PCBP3: variants seen among roughly 807,000 people sequenced by gnomAD.
PCBP3 encodes the protein poly(rC) binding protein 3.
In PCBP3, 25 loss-of-function variants were observed where a neutral mutation model predicts 52.7. The ratio of observed to expected loss-of-function variants is 0.47; its 90% CI spans 0.35 to 0.66. PCBP3 has a LOEUF of 0.66. Among genes scored for constraint, PCBP3 ranks in the 30% least tolerant of loss-of-function variants. The pLI, the probability that PCBP3 is intolerant of heterozygous loss-of-function variation, is 0.01. For synonymous variants in PCBP3, 162 were observed against 183.0 expected, an observed-to-expected ratio of 0.89 and a Z score of 0.93; for missense variants, 391 against 490.3, an observed-to-expected ratio of 0.80 and a Z score of 1.91.
chr21:45,899,084 C>T (rs908797077), intron 6 of PCBP3, among the ~76,000 whole-genome samples: 12 of 152,348 alleles, frequency 7.9e-5, no homozygotes, highest in Admixed American at 3.3e-4. Flanking sequence ...CTCAGCCCAG[C>T]GGGGAACGTG....
chr21:45,778,845 C>T (rs1418629130), intron 4 of PCBP3, among the ~76,000 whole-genome samples: 1 of 152,124 alleles, frequency 6.6e-6, no homozygotes, highest in Non-Finnish European at 1.5e-5. Flanking sequence ...GGTCGATCCT[C>T]AGGCCCCAGG....
chr21:45,766,442 C>G (rs2145665712), intron 4 of PCBP3, among the ~76,000 whole-genome samples: 1 of 152,358 alleles, frequency 6.6e-6, no homozygotes, highest in African/African-American at 2.4e-5. Context: ...CTGTCTCTCT[C>G]TCTGCACCCA....
At chr21:45,921,806 G>A (rs1355866414) in intron 13 of PCBP3, among the ~76,000 whole-genome samples, 10 of 112,302 alleles carry the variant, frequency 8.9e-5, no homozygotes, top group East Asian at 4.4e-4. Context: ...GCGACAGAAC[G>A]AGACCCGTTT....
chr21:45,723,213 T>A (rs1210767022), intron 2 of PCBP3, among the ~76,000 whole-genome samples: 2 of 152,016 alleles, frequency 1.3e-5, no homozygotes, highest in Non-Finnish European at 2.9e-5. Flanking sequence ...TCCTAGAGAG[T>A]GGCTCTGAGC....
chr21:45,696,410 A>G (rs562956360), intron 2 of PCBP3, among the ~76,000 whole-genome samples: 1 of 152,314 alleles, frequency 6.6e-6, no homozygotes, highest in South Asian at 2.1e-4. Context: ...AACGGCATGC[A>G]CCAAGAAAAG....
chr21:45,887,268 A>G (rs1379961588), intron 5 of PCBP3, among the ~76,000 whole-genome samples: 1 of 152,166 alleles, frequency 6.6e-6, no homozygotes, highest in Non-Finnish European at 1.5e-5. Context: ...TGTTGTTTTT[A>G]GCAGGAAGGA....
chr21:45,869,105 G>A (rs2094888620), intron 5 of PCBP3: 1 of 152,142 alleles, frequency 6.6e-6, no homozygotes, highest in Non-Finnish European at 1.5e-5. Context: ...CCAAGTATCT[G>A]TAACTTTCTC....
chr21:45,750,552 C>G (rs2087374219), intron 3 of PCBP3: 1 of 152,292 alleles, frequency 6.6e-6, no homozygotes, highest in Non-Finnish European at 1.5e-5. Flanking sequence ...TTCCCTCTTT[C>G]GTTCCCACCT....
rs774406869 is a variant in PCBP3 at position 45,940,572 on chromosome 21, C to T, written c.1079+373C>T. On this transcript the variant is annotated intron_variant, in intron 17 of 17. Transcript: ENST00000681687. ...ATGTTTGGGGACTTTGCTGTTTTGC[C>T]TCCTTTTTCATTCTCATGGAAACGT... 2.0e-4 allele frequency among the ~76,000 whole-genome samples: 31 copies of T among 152,226 alleles called. 1 individual carries two copies. Among genetic ancestry groups the T allele is most frequent in the Admixed American group, 1.8e-3 (27 of 15,288 alleles).
At chr21:45,786,141 T>A (rs545123623) in intron 4 of PCBP3, among the ~76,000 whole-genome samples, 20 of 143,226 alleles carry the variant, frequency 1.4e-4, no homozygotes, top group South Asian at 1.3e-3. Context: ...AAAAAATAAA[T>A]AAATAAATAA....
At chr21:45,887,899 G>A (rs950289720) in intron 5 of PCBP3, among the ~76,000 whole-genome samples, 6 of 152,176 alleles carry the variant, frequency 3.9e-5, no homozygotes, top group Admixed American at 3.3e-4. Context: ...ACCAGCCCAC[G>A]GCGAAGAGAG....
chr21:45,741,044 G>A lies in PCBP3; in HGVS notation c.-162+5615G>A, dbSNP rs929631266. Reference sequence around the variant, plus strand: ...GGGGACTGTCCTAAACGGAAAGCAGGGCACGGGATGGCTTCACTCCAGCTC... The same window carrying A: ...GGGGACTGTCCTAAACGGAAAGCAGAGCACGGGATGGCTTCACTCCAGCTC... On this transcript the variant is annotated intron_variant, in intron 3 of 17. Coordinates refer to ENST00000681687, the MANE Select transcript of PCBP3 (RefSeq NM_001384156.1). This position sits in a 1 kb window ranked among gnomAD's most constrained non-coding sequence, Gnocchi z 4.5. Among the ~76,000 whole-genome samples the A allele has an allele frequency of 6.6e-6, 1 of 152,164 alleles. No homozygotes were observed. The highest frequency in any genetic ancestry group is 1.5e-5 in the Non-Finnish European group (1 of 68,020).
At chr21:45,730,712 G>A (rs962964634) in intron 2 of PCBP3, among the ~76,000 whole-genome samples, 2 of 152,018 alleles carry the variant, frequency 1.3e-5, no homozygotes, top group African/African-American at 4.8e-5. Flanking sequence ...CTCTTTATTA[G>A]GTGTGTGAAC....
At chr21:45,768,110 A>G (rs1182778290) in intron 4 of PCBP3, among the ~76,000 whole-genome samples, 2 of 152,218 alleles carry the variant, frequency 1.3e-5, no homozygotes, top group African/African-American at 4.8e-5. Flanking sequence ...TCCCAGCTGC[A>G]CTGGGGCACA....
rs879116206 is a variant in PCBP3 at position 45,924,179 on chromosome 21, C to A, written c.718-5738C>A. ...GAGATGTGAACACTGGGAACAGTCG[C>A]GTGGGTAGAAACAGCACACGTAAGG... On this transcript the variant is annotated intron_variant, in intron 13 of 17. Transcript: ENST00000681687. 3.3e-3 allele frequency among the ~76,000 whole-genome samples: 97 copies of A among 29,752 alleles called. 8 individuals are homozygous for A. Among genetic ancestry groups the A allele is most frequent in the South Asian group, 0.023 (30 of 1,326 alleles). 19.5% of individuals were successfully genotyped at this position (29,752 alleles called of 152,430 possible).
At chr21:45,772,931 G>T (rs2089988475) in intron 4 of PCBP3, among the ~76,000 whole-genome samples, 1 of 151,718 alleles carries the variant, frequency 6.6e-6, no homozygotes, top group East Asian at 1.9e-4. Flanking sequence ...GGGACTATTT[G>T]TTTTTTTCCC....
At chr21:45,835,482 G>T (rs1225065874) in intron 4 of PCBP3, among the ~76,000 whole-genome samples, 1 of 152,214 alleles carries the variant, frequency 6.6e-6, no homozygotes, top group Non-Finnish European at 1.5e-5. Flanking sequence ...AGCCGGCACT[G>T]ACCTGGAGCA....
chr21:45,903,674 G>A (rs2096125345), intron 9 of PCBP3, among the ~76,000 whole-genome samples: 1 of 152,210 alleles, frequency 6.6e-6, no homozygotes, highest in Non-Finnish European at 1.5e-5. Flanking sequence ...ATGACAACCA[G>A]GGGTCCATGG....
At position 45,928,411 on chromosome 21, in the gene PCBP3, AG is replaced by A. The variant is rs1028181422; in HGVS notation, c.718-1503del. On this transcript the variant is annotated intron_variant, in intron 13 of 17. Transcript: ENST00000681687. This position sits in a 1 kb window ranked among gnomAD's most constrained non-coding sequence, Gnocchi z 4.1. ...GGGGAGCAGGCCCCCCGATCCTCCC[AG>A]GGTACTAGGTACTGAGGAAGGAAGG... Among the ~76,000 whole-genome samples, 1 of 152,122 alleles carries A rather than the reference AG, an allele frequency of 6.6e-6. No individual in the cohort carries two copies.
Sources: allele counts gnomAD v4.1 joint callset (sites outside exome capture counted in the v4.1 genomes callset), GRCh38; gene constraint gnomAD v4.1.1; non-coding constraint Gnocchi (gnomAD v3.1); transcripts MANE v1.5; gene names NCBI Gene and HGNC (gene_info 2026-07-23, HGNC 2026-07-21).